RPTOR: variants seen among roughly 807,000 people sequenced by gnomAD.
RPTOR encodes regulatory associated protein of MTOR complex 1, also known as regulatory-associated protein of mTOR.
A neutral mutation model predicts 169.9 loss-of-function variants in RPTOR; 21 were observed. That is an observed-to-expected ratio of 0.12 (90% CI 0.09 to 0.18). RPTOR has a LOEUF of 0.18. Ranked by LOEUF, RPTOR falls within the 10% of genes least tolerant of loss-of-function variation. RPTOR has a pLI of 1.00. For missense variants in RPTOR, 1,133 were observed against 1,855.9 expected (o/e 0.61, Z 7.16); for synonymous variants, 732 against 753.2 (o/e 0.97, Z 0.46).
At chr17:80,725,999 G>A (rs1234380567) in intron 4 of RPTOR, among the ~76,000 whole-genome samples, 1 of 152,162 alleles carries the variant, frequency 6.6e-6, no homozygotes, top group African/African-American at 2.4e-5. Context: ...TCTAGGTGTG[G>A]GGGTGGCTGG....
chr17:80,674,458 A>T (rs2065845584), intron 3 of RPTOR, among the ~76,000 whole-genome samples: 1 of 152,200 alleles, frequency 6.6e-6, no homozygotes, highest in African/African-American at 2.4e-5. Context: ...CAAATGAAGA[A>T]CTGGGGATTC....
At chr17:80,827,967 C>CAT (rs2067462739) in intron 9 of RPTOR, among the ~76,000 whole-genome samples, 2 of 152,186 alleles carry the variant, frequency 1.3e-5, no homozygotes, top group Non-Finnish European at 2.9e-5. Flanking sequence ...TGGCTCTAGC[C>CAT]GTCTAGTGCC....
chr17:80,961,349 G>A (rs768189562), intron 30 of RPTOR, 45 bp from the exon 31 acceptor site: 18 of 1,508,006 alleles, frequency 1.2e-5, no homozygotes, highest in East Asian at 7.4e-5. Context: ...GGGTGGGGAC[G>A]TCCTTCAGGG....
At chr17:80,644,196 T>C (rs2065575170) in intron 3 of RPTOR, among the ~76,000 whole-genome samples, 1 of 152,128 alleles carries the variant, frequency 6.6e-6, no homozygotes, top group South Asian at 2.1e-4. Flanking sequence ...AGTTTTCACA[T>C]AGTTGAGAAA....
rs972430057 is a variant in RPTOR at position 80,746,625 on chromosome 17, G to A, written c.655-7385G>A. On this transcript the variant is annotated intron_variant, in intron 5 of 33. Coordinates refer to ENST00000306801, the MANE Select transcript of RPTOR (RefSeq NM_020761.3). The surrounding 1 kb of genome is among the most constrained non-coding windows in gnomAD (Gnocchi z 4.5). ...CCCGGAGAAACCCCTTTGGGTGCAC[G>A]CTCACCTTAGGCTTGCTGTTTGGGA... Among the ~76,000 whole-genome samples, 8 of 152,112 alleles carry A rather than the reference G, an allele frequency of 5.3e-5. No homozygotes were observed. The highest frequency in any genetic ancestry group is 9.7e-5 in the African/African-American group (4 of 41,406).
intron 13 of RPTOR, among the ~76,000 whole-genome samples, chr17:80,862,887 C>G (rs1453432583): frequency 1.3e-5 from 2 of 152,194 alleles, no homozygotes; most frequent in East Asian, 1.9e-4. Context: ...AGCCACTCCC[C>G]CAGTGTTCTC....
chr17:80,733,356 A>T (rs113638752), intron 5 of RPTOR, among the ~76,000 whole-genome samples: 52 of 152,346 alleles, frequency 3.4e-4, no homozygotes, highest in African/African-American at 1.2e-3. Context: ...TCTTTTATAA[A>T]TAAGTATATT....
At chr17:80,814,038 G>A (rs1365686384) in intron 7 of RPTOR, among the ~76,000 whole-genome samples, 1 of 152,004 alleles carries the variant, frequency 6.6e-6, no homozygotes, top group African/African-American at 2.4e-5. Context: ...GGGAGGCTGA[G>A]GCTGAGGTGG....
chr17:80,718,959 G>A (rs767949020), intron 4 of RPTOR, among the ~76,000 whole-genome samples: 1 of 152,178 alleles, frequency 6.6e-6, no homozygotes. Context: ...TCAGGCTGGT[G>A]GGGCGACCCT....
intron 9 of RPTOR, among the ~76,000 whole-genome samples, chr17:80,830,979 A>G (rs971444790): frequency 2.6e-5 from 4 of 152,166 alleles, no homozygotes; most frequent in South Asian, 2.1e-4. Context: ...TCCTGAGCTC[A>G]GACAATCCTC....
chr17:80,742,582 A>G (rs969240051), intron 5 of RPTOR, among the ~76,000 whole-genome samples: 2 of 146,324 alleles, frequency 1.4e-5, no homozygotes, highest in East Asian at 3.9e-4. Context: ...ACACATAGAC[A>G]TATATGCATA....
intron 11 of RPTOR, among the ~76,000 whole-genome samples, chr17:80,849,371 GC>G (rs1380408920): frequency 2.0e-5 from 3 of 152,186 alleles, no homozygotes; most frequent in African/African-American, 7.2e-5. Flanking sequence ...CTGATTCGCA[GC>G]CCCTCCTGTA....
At chr17:80,901,815 C>G (rs1366537861) in intron 20 of RPTOR, among the ~76,000 whole-genome samples, 2 of 152,100 alleles carry the variant, frequency 1.3e-5, no homozygotes, top group Non-Finnish European at 2.9e-5. Context: ...AGCCCCGCCC[C>G]CAGCGCCCTC....
chr17:80,829,775 A>G (rs7216306), intron 9 of RPTOR, among the ~76,000 whole-genome samples: 22,954 of 152,168 alleles, frequency 0.15, 1,884 homozygotes, highest in Middle Eastern at 0.23. Context: ...AGTTAGGGAT[A>G]TTTTCTGCAA....
chr17:80,799,902 A>G (rs1281293188), intron 7 of RPTOR, among the ~76,000 whole-genome samples: 1 of 152,182 alleles, frequency 6.6e-6, no homozygotes, highest in Admixed American at 6.5e-5. Flanking sequence ...ACAGACCTGC[A>G]TGGTAGGCAC....
intron 2 of RPTOR, 24 bp downstream of exon 2, chr17:80,625,817 T>C: frequency 6.5e-7 from 1 of 1,528,028 alleles, no homozygotes; most frequent in South Asian, 1.1e-5. Flanking sequence ...CCTCACGCGC[T>C]GCCACAAAGG....
At chr17:80,948,466 C>T in intron 27 of RPTOR, 1 of 152,688 alleles carries the variant, frequency 6.5e-6, no homozygotes, top group Non-Finnish European at 1.5e-5. Flanking sequence ...GCTCAGCCAG[C>T]GGTTTCGGAG....
intron 5 of RPTOR, among the ~76,000 whole-genome samples, chr17:80,741,617 A>T (rs968860600): frequency 1.3e-5 from 2 of 152,238 alleles, no homozygotes; most frequent in Non-Finnish European, 2.9e-5. Context: ...GTGGGGTCCT[A>T]TCAGAGATGT....
At chr17:80,561,239 TTATATATATATGTATATATATATGTA>T (rs1215332246) in intron 1 of RPTOR, among the ~76,000 whole-genome samples, 2,638 of 115,174 alleles carry the variant, frequency 0.023, 97 homozygotes, top group African/African-American at 0.095. Flanking sequence ...CCCGGCTAAT[TTATATATATATGTATATATATATGTA>T]TATATATATA....
Sources: allele counts gnomAD v4.1 joint callset (sites outside exome capture counted in the v4.1 genomes callset), GRCh38; gene constraint gnomAD v4.1.1; non-coding constraint Gnocchi (gnomAD v3.1); transcripts MANE v1.5; gene names NCBI Gene and HGNC (gene_info 2026-07-23, HGNC 2026-07-21).